Variants in NRG3 observed in about 807,000 individuals in gnomAD.
NRG3 encodes neuregulin 3.
A neutral mutation model predicts 66.9 loss-of-function variants in NRG3; 31 were observed. The observed-to-expected ratio is 0.46, with a 90% CI of 0.35 to 0.63. The LOEUF is 0.63. Ranked by LOEUF, NRG3 falls within the 20% of genes least tolerant of loss-of-function variation. NRG3 has a pLI of 0.00. For missense variants in NRG3, 910 were observed against 878.9 expected (o/e 1.04, Z -0.45); for synonymous variants, 393 against 359.4 (o/e 1.09, Z -1.06).
intron 6 of NRG3, among the ~76,000 whole-genome samples, chr10:82,971,837 ATCTT>A (rs1317046259): frequency 2.0e-5 from 3 of 152,196 alleles, no homozygotes. Flanking sequence ...TGAAATATCC[ATCTT>A]TCTTCCTTTT....
At chr10:82,246,222 G>C (rs1184469040) in intron 1 of NRG3, among the ~76,000 whole-genome samples, 1 of 152,022 alleles carries the variant, frequency 6.6e-6, no homozygotes, top group Non-Finnish European at 1.5e-5. Context: ...GAAAAGACTT[G>C]GGGCAGTGAC....
At chr10:82,136,851 C>A (rs1294225071) in intron 1 of NRG3, among the ~76,000 whole-genome samples, 3 of 152,140 alleles carry the variant, frequency 2.0e-5, no homozygotes, top group Non-Finnish European at 4.4e-5. Context: ...CAGACAGCAT[C>A]AAGTTCTAAT....
chr10:82,625,986 G>C (rs182495148), intron 2 of NRG3, among the ~76,000 whole-genome samples: 1 of 152,248 alleles, frequency 6.6e-6, no homozygotes, highest in African/African-American at 2.4e-5. Context: ...AATTGGATTG[G>C]ACTCTGCATT....
In NRG3 at chr10:82,363,034, G is replaced by A. The variant is rs912596547; in HGVS notation, c.953+4166G>A. Among the ~76,000 whole-genome samples, 10 of 152,234 alleles carry A rather than the reference G, an allele frequency of 6.6e-5. No homozygotes were observed. In the East Asian group the frequency reaches 1.9e-3, roughly 29 times the overall value. ...GGCAAAAATTAACAACTTTGACACA[G>A]CATTTTTTTATCTGAATATCATAAA... On this transcript the variant is annotated intron_variant, in intron 2 of 8. Transcript: ENST00000372141.
intron 1 of NRG3, chr10:82,340,953 AT>A (rs2082656416): frequency 6.6e-6 from 1 of 152,300 alleles, no homozygotes; most frequent in East Asian, 1.9e-4. Flanking sequence ...ACTATAGTCA[AT>A]AATAATTGTA....
intron 6 of NRG3, among the ~76,000 whole-genome samples, chr10:82,970,581 AT>A (rs1442639087): frequency 1.3e-5 from 2 of 151,832 alleles, no homozygotes; most frequent in Non-Finnish European, 2.9e-5. Context: ...GTTGCCTTTC[AT>A]TTTTTTCCAG....
intron 1 of NRG3, among the ~76,000 whole-genome samples, chr10:82,141,156 G>C (rs951497260): frequency 2.6e-5 from 4 of 152,100 alleles, no homozygotes; most frequent in Non-Finnish European, 5.9e-5. Context: ...GCTTCATATA[G>C]GTAGACATTA....
chr10:82,796,856 A>G (rs1309224832), intron 3 of NRG3, among the ~76,000 whole-genome samples: 1 of 152,120 alleles, frequency 6.6e-6, no homozygotes, highest in African/African-American at 2.4e-5. Context: ...CAAACTTATT[A>G]TAAATTCTTA....
At chr10:82,418,980 AAAT>A (rs2088850384) in intron 2 of NRG3, among the ~76,000 whole-genome samples, 1 of 152,174 alleles carries the variant, frequency 6.6e-6, no homozygotes, top group South Asian at 2.1e-4. Flanking sequence ...ATTTTGTAAT[AAAT>A]GGTTTCTGAA....
At chr10:82,754,603 A>AT (rs1288024625) in intron 3 of NRG3, among the ~76,000 whole-genome samples, 1 of 151,688 alleles carries the variant, frequency 6.6e-6, no homozygotes, top group African/African-American at 2.4e-5. Flanking sequence ...TAACTCTCTT[A>AT]TTTTTTTCAT....
intron 2 of NRG3, among the ~76,000 whole-genome samples, chr10:82,603,862 T>C (rs2047793708): frequency 6.6e-6 from 1 of 152,148 alleles, no homozygotes; most frequent in African/African-American, 2.4e-5. Flanking sequence ...AAATGTTATG[T>C]TTGAAATGAA....
chr10:82,395,599 G>C (rs1287063278), intron 2 of NRG3, among the ~76,000 whole-genome samples: 4 of 152,032 alleles, frequency 2.6e-5, no homozygotes, highest in Admixed American at 1.3e-4. Context: ...TTATATATCT[G>C]TCTATCTTAT....
chr10:81,976,772 T>C (rs2060140310), intron 1 of NRG3, among the ~76,000 whole-genome samples: 1 of 152,186 alleles, frequency 6.6e-6, no homozygotes, highest in Non-Finnish European at 1.5e-5. Flanking sequence ...TTCTTGGATG[T>C]GAGCTAATTT....
intron 3 of NRG3, among the ~76,000 whole-genome samples, chr10:82,753,574 C>G (rs967397506): frequency 6.6e-6 from 1 of 151,726 alleles, no homozygotes. Flanking sequence ...GTTTTTCCTT[C>G]CTTCTTTCTT....
chr10:81,975,351 A>ATCTG lies in NRG3; in HGVS notation c.823+99191_823+99192insGTCT, dbSNP rs1554873708. Among the ~76,000 whole-genome samples the ATCTG allele has an allele frequency of 5.3e-5, 8 of 151,862 alleles. No individual in the cohort carries two copies. The South Asian group carries it at 1.7e-3, about 32-fold the overall frequency. ...TATCTATCTATCTATCTATCTATCT[A>ATCTG]TCTATCTATCTATCTATCTATCTAT... On this transcript the variant is annotated intron_variant, in intron 1 of 8. Transcript: ENST00000372141.
intron 1 of NRG3, among the ~76,000 whole-genome samples, chr10:82,315,837 T>A (rs1185103404): frequency 1.3e-5 from 2 of 152,058 alleles, no homozygotes; most frequent in Non-Finnish European, 2.9e-5. Flanking sequence ...GGCTAGTTTT[T>A]ATATTTTTAG....
intron 4 of NRG3, among the ~76,000 whole-genome samples, chr10:82,869,413 T>C (rs1011293480): frequency 2.0e-5 from 3 of 152,128 alleles, no homozygotes; most frequent in Non-Finnish European, 4.4e-5. Context: ...TACATTATGG[T>C]TCATTCTTGA....
intron 2 of NRG3, among the ~76,000 whole-genome samples, chr10:82,428,223 T>C (rs190571199): frequency 2.5e-3 from 386 of 152,068 alleles, no homozygotes; most frequent in African/African-American, 8.8e-3. Context: ...TATTTTCTTT[T>C]CTTCTGCTTA....
chr10:82,115,405 A>G (rs1275757634), intron 1 of NRG3, among the ~76,000 whole-genome samples: 1 of 152,170 alleles, frequency 6.6e-6, no homozygotes, highest in Non-Finnish European at 1.5e-5. Context: ...TGAAACTTGT[A>G]TCAAAAATCC....
Sources: allele counts gnomAD v4.1 joint callset (sites outside exome capture counted in the v4.1 genomes callset), GRCh38; gene constraint gnomAD v4.1.1; transcripts MANE v1.5; gene names NCBI Gene and HGNC (gene_info 2026-07-23, HGNC 2026-07-21).